Variants in PEX5L observed in about 807,000 individuals in gnomAD.
The protein encoded by PEX5L is PEX5-related protein.
Under a neutral mutation model 84.0 loss-of-function variants are expected in PEX5L, and 30 were observed. The observed-to-expected ratio is 0.36, with a 90% CI of 0.27 to 0.48. PEX5L has a LOEUF of 0.48. Among genes scored for constraint, PEX5L ranks in the 20% least tolerant of loss-of-function variants. The pLI is 0.99. For synonymous variants in PEX5L, 270 were observed against 283.1 expected, an observed-to-expected ratio of 0.95 and a Z score of 0.46; for missense variants, 533 against 754.6, an observed-to-expected ratio of 0.71 and a Z score of 3.44.
In PEX5L at chr3:179,843,256, C is replaced by T. The variant is rs113993118; in HGVS notation, c.822+15806G>A. Among the ~76,000 whole-genome samples the T allele has an allele frequency of 7.9e-5, 12 of 152,304 alleles. 1 individual carries two copies. The highest frequency in any genetic ancestry group is 2.9e-4 in the African/African-American group (12 of 41,572). ...CCAGAGATTCCCAAACTTGTCTGCACATCAAATCACCTGAAGATCTTTTCA... is the reference window on the plus strand; with the variant it reads ...CCAGAGATTCCCAAACTTGTCTGCATATCAAATCACCTGAAGATCTTTTCA... On this transcript the variant is annotated intron_variant, in intron 8 of 14. Coordinates refer to ENST00000467460, the MANE Select transcript of PEX5L (RefSeq NM_016559.3).
At chr3:179,806,893 C>T (rs1721504245) in intron 14 of PEX5L, among the ~76,000 whole-genome samples, 3 of 151,848 alleles carry the variant, frequency 2.0e-5, no homozygotes, top group African/African-American at 7.3e-5. Context: ...CTGGCTCTTT[C>T]AGAGAATGAG....
chr3:179,940,164 T>G (rs183377252), intron 2 of PEX5L, among the ~76,000 whole-genome samples: 1 of 152,184 alleles, frequency 6.6e-6, no homozygotes, highest in East Asian at 1.9e-4. Context: ...GAGGGAACAG[T>G]CAGACACAAG....
chr3:179,952,115 G>A (rs1467220136), intron 2 of PEX5L, among the ~76,000 whole-genome samples: 1 of 152,080 alleles, frequency 6.6e-6, no homozygotes, highest in Non-Finnish European at 1.5e-5. Context: ...TTATAGATTT[G>A]CAAGAAAGCT....
In PEX5L at chr3:179,797,603, A is replaced by ATATATATAT. The variant is rs1431315600; in HGVS notation, c.*4224_*4225insATATATATA. The ATATATATAT allele has an allele frequency of 9.1e-6, 1 of 109,910 alleles. No individual in the cohort carries two copies. The highest frequency in any genetic ancestry group is 3.5e-5 in the African/African-American group (1 of 28,420). 6.8% of individuals were successfully genotyped at this position (109,910 alleles called of 1,614,324 possible). On this transcript the variant is annotated 3_prime_UTR_variant, in exon 15 of 15. Transcript: ENST00000467460. ...TGAACACTCTTTAAAAAAAAAAAAA[A>ATATATATAT]AAATATATATATATATATATATATA...
intron 1 of PEX5L, among the ~76,000 whole-genome samples, chr3:179,993,716 T>C (rs1490189074): frequency 1.3e-5 from 2 of 152,130 alleles, no homozygotes; most frequent in Non-Finnish European, 2.9e-5. Flanking sequence ...TTCGCCAGGC[T>C]AGTCTCTAAC....
chr3:180,011,560 T>C (rs935007321), intron 1 of PEX5L, among the ~76,000 whole-genome samples: 12 of 152,216 alleles, frequency 7.9e-5, no homozygotes, highest in South Asian at 6.2e-4. Flanking sequence ...TATACCATTA[T>C]AGAAAAAATT....
intron 4 of PEX5L, chr3:179,881,627 T>TC (rs367771804): frequency 1.3e-5 from 2 of 152,260 alleles, no homozygotes; most frequent in Non-Finnish European, 2.9e-5. Flanking sequence ...TGTGATTTTT[T>TC]CTATCCTTTT....
chr3:179,968,722 T>TGTGTGTG (rs1491481999), intron 2 of PEX5L, among the ~76,000 whole-genome samples: 1 of 114,138 alleles, frequency 8.8e-6, no homozygotes, highest in Non-Finnish European at 1.7e-5. Flanking sequence ...TGTGTGTGTG[T>TGTGTGTG]CTGTGTGTGT....
Position 179,827,332 on chromosome 3 carries a change from A to G in PEX5L, c.823-7356T>C, listed in dbSNP as rs577848855. ...TAGCTACCACCTTGCAAAGAAGCCC[A>G]AGCCTCAAAGGCCCCATGGAGGTGT... On this transcript the variant is annotated intron_variant, in intron 8 of 14. Coordinates refer to ENST00000467460, the MANE Select transcript of PEX5L (RefSeq NM_016559.3). Among the ~76,000 whole-genome samples, 22 of 152,304 alleles carry G rather than the reference A, an allele frequency of 1.4e-4. No homozygotes were observed. The South Asian group carries it at 4.1e-3, about 29-fold the overall frequency.
At chr3:179,835,098 G>A (rs1437671003) in intron 8 of PEX5L, among the ~76,000 whole-genome samples, 7 of 152,182 alleles carry the variant, frequency 4.6e-5, no homozygotes, top group African/African-American at 1.7e-4. Flanking sequence ...AGCTGGAGGA[G>A]GCAGCTATGT....
chr3:179,865,929 TC>T (rs1478152940), intron 7 of PEX5L, among the ~76,000 whole-genome samples: 1 of 152,162 alleles, frequency 6.6e-6, no homozygotes, highest in Admixed American at 6.6e-5. Context: ...ACAAATGTAC[TC>T]TAATGTAGGC....
intron 4 of PEX5L, among the ~76,000 whole-genome samples, chr3:179,883,095 A>T (rs971380454): frequency 1.3e-5 from 2 of 152,152 alleles, no homozygotes; most frequent in Non-Finnish European, 2.9e-5. Flanking sequence ...GGAACAAAGG[A>T]TAATCTCCTC....
At chr3:179,949,603 A>G (rs1778536608) in intron 2 of PEX5L, among the ~76,000 whole-genome samples, 1 of 135,802 alleles carries the variant, frequency 7.4e-6, no homozygotes, top group Non-Finnish European at 1.6e-5. Flanking sequence ...ACAGAGTATC[A>G]TACTTTGTTT....
At chr3:179,991,543 C>T (rs944318342) in intron 1 of PEX5L, among the ~76,000 whole-genome samples, 7 of 152,010 alleles carry the variant, frequency 4.6e-5, no homozygotes, top group Non-Finnish European at 7.4e-5. Context: ...GGGTGTTTAC[C>T]CTCTGGTTCT....
At chr3:179,805,586 A>C (rs1200835279) in intron 14 of PEX5L, among the ~76,000 whole-genome samples, 5 of 152,230 alleles carry the variant, frequency 3.3e-5, no homozygotes. Flanking sequence ...ACAGTTGGTT[A>C]AACCCACAGA....
chr3:179,892,247 G>A (rs190101411), intron 3 of PEX5L, among the ~76,000 whole-genome samples: 3 of 151,986 alleles, frequency 2.0e-5, no homozygotes, highest in African/African-American at 7.2e-5. Context: ...TCAATATTTG[G>A]ATCAGTTCAA....
chr3:180,006,735 A>G (rs1024223499), intron 1 of PEX5L, among the ~76,000 whole-genome samples: 2 of 152,214 alleles, frequency 1.3e-5, no homozygotes, highest in African/African-American at 4.8e-5. Flanking sequence ...ATGAGGAAGA[A>G]GCAAAAGCGG....
At chr3:179,870,013 G>A (rs938483441) in intron 7 of PEX5L, among the ~76,000 whole-genome samples, 2 of 152,130 alleles carry the variant, frequency 1.3e-5, no homozygotes, top group Non-Finnish European at 2.9e-5. Context: ...ATGGAGTTTT[G>A]GCTGATCGAA....
rs1003305857 is a variant in PEX5L, at chr3:179,880,118, T to C, written c.316A>G (p.Thr106Ala). ...RPVTSNTAVL[T>A]TGLDLLDLSE... The stretch of plus-strand genomic sequence containing the variant: ...AGGTCGAGGAGATCTAAGCCAGTGG[T>C]CAATACTACCAGAAATGGAAGAGGT... Residue 106 changes from threonine (T) to alanine (A), a missense_variant, in exon 5 of 15, where the codon ACC becomes GCC. Around this residue, in one of 8 missense-constraint regions of PEX5L, gnomAD observed 259 missense variants for 301.7 expected, o/e 0.86. Coordinates refer to ENST00000467460, the MANE Select transcript of PEX5L (RefSeq NM_016559.3). 4 of 1,595,608 alleles carry C rather than the reference T, an allele frequency of 2.5e-6. No individual in the cohort carries two copies. Among genetic ancestry groups the C allele is most frequent in the Non-Finnish European group, 3.4e-6 (4 of 1,171,380 alleles).
Sources: gnomAD v4.1 joint callset for allele counts (sites outside exome capture counted in the v4.1 genomes callset) on GRCh38, gnomAD v4.1.1 for gene constraint, gnomAD v4.1.1 regional missense constraint, MANE v1.5 for transcripts, NCBI Gene and HGNC (gene_info 2026-07-23, HGNC 2026-07-21) for gene names.